AFDN: variants seen among roughly 807,000 people sequenced by gnomAD.
AFDN encodes the protein afadin, adherens junction formation factor, also known as afadin.
A neutral mutation model predicts 216.6 loss-of-function variants in AFDN; 68 were observed. The observed-to-expected ratio is 0.31, with a 90% confidence interval of 0.26 to 0.38. The LOEUF is 0.38. Ranked by LOEUF, AFDN falls within the 10% of genes least tolerant of loss-of-function variation. The pLI is 1.00. For synonymous variants in AFDN, 868 were observed against 853.7 expected (o/e 1.02, Z -0.29); for missense variants, 2,136 against 2,342.0 (o/e 0.91, Z 1.82).
intron 11 of AFDN, among the ~76,000 whole-genome samples, chr6:167,899,771 A>G (rs1432731343): frequency 2.0e-5 from 3 of 152,330 alleles, no homozygotes; most frequent in Middle Eastern, 3.4e-3. Context: ...TGGTCTCTCA[A>G]TAGTACCTGT....
At chr6:167,922,132 G>A (rs1456221891) in intron 21 of AFDN, among the ~76,000 whole-genome samples, 3 of 152,200 alleles carry the variant, frequency 2.0e-5, no homozygotes, top group African/African-American at 7.2e-5. Flanking sequence ...TTCAGGGCCC[G>A]TGTGATAGAT....
chr6:167,945,538 A>G (rs2128642493), intron 26 of AFDN, among the ~76,000 whole-genome samples: 1 of 152,354 alleles, frequency 6.6e-6, no homozygotes, highest in African/African-American at 2.4e-5. Context: ...TATGAACTAT[A>G]CTTGTATACA....
At chr6:167,897,642 C>A (rs572058186) in intron 10 of AFDN, among the ~76,000 whole-genome samples, 2 of 89,752 alleles carry the variant, frequency 2.2e-5, no homozygotes, top group African/African-American at 1.0e-4. Context: ...GACTGTATGC[C>A]TTTTTTTTTT....
chr6:167,912,620 T>C (rs115363064), intron 15 of AFDN, among the ~76,000 whole-genome samples: 2,415 of 152,328 alleles, frequency 0.016, 60 homozygotes, highest in African/African-American at 0.056. Context: ...TGGATTTCCT[T>C]TTCAGTTGTC....
At chr6:167,944,181 G>A in intron 26 of AFDN, 122 bp downstream of exon 26, 2 of 740,548 alleles carry the variant, frequency 2.7e-6, no homozygotes, top group Non-Finnish European at 4.4e-6. Flanking sequence ...AAGAAATTGA[G>A]GATGAGAGCG....
chr6:167,914,462 C>T, intron 17 of AFDN, 149 bp downstream of exon 17: 1 of 990,126 alleles, frequency 1.0e-6, no homozygotes, highest in Non-Finnish European at 1.5e-6. Flanking sequence ...AATGTATTAA[C>T]TACCTATAGT....
chr6:167,902,549 A>G (rs942944244), intron 12 of AFDN, among the ~76,000 whole-genome samples, 163 bp downstream of exon 12: 2 of 152,244 alleles, frequency 1.3e-5, no homozygotes, highest in Non-Finnish European at 2.9e-5. Flanking sequence ...TATGGATACT[A>G]TGTTGTTTTC....
intron 30 of AFDN, among the ~76,000 whole-genome samples, chr6:167,955,399 T>G (rs1796395049): frequency 6.6e-6 from 1 of 152,056 alleles, no homozygotes; most frequent in Non-Finnish European, 1.5e-5. Context: ...TTCTGAGCTT[T>G]GCATTTTTTT....
intron 3 of AFDN, 37 bp from the exon 4 acceptor site, chr6:167,872,177 A>C (rs769693675): frequency 1.3e-6 from 2 of 1,585,730 alleles, no homozygotes; most frequent in Admixed American, 1.9e-5. Context: ...GTGATTCTGC[A>C]TAGTAGTCAA....
At position 167,876,251 on chromosome 6, in the gene AFDN, G is replaced by A. The variant is rs1393722912; in HGVS notation, c.739+756G>A. Among the ~76,000 whole-genome samples the A allele has an allele frequency of 3.9e-5, 6 of 152,112 alleles. No homozygotes were observed. In the South Asian group the frequency reaches 1.0e-3, roughly 26 times the overall value. On this transcript the variant is annotated intron_variant, in intron 5 of 33. Transcript: ENST00000683244. ...ACCCTTAGCACCCTATAACTGAGTCGTAATTAACATATTTCACAGGACTTG... is the reference window on the plus strand; with the variant it reads ...ACCCTTAGCACCCTATAACTGAGTCATAATTAACATATTTCACAGGACTTG...
At chr6:167,965,448 A>C (rs1797446374) in intron 31 of AFDN, among the ~76,000 whole-genome samples, 1 of 152,214 alleles carries the variant, frequency 6.6e-6, no homozygotes, top group Non-Finnish European at 1.5e-5. Context: ...GGAAGGAAAG[A>C]AGGAAAGCAG....
intron 8 of AFDN, among the ~76,000 whole-genome samples, chr6:167,892,816 T>G (rs1562622136): frequency 6.6e-6 from 1 of 152,196 alleles, no homozygotes; most frequent in Non-Finnish European, 1.5e-5. Context: ...CATAGAATTT[T>G]TTTTTGTAGG....
At chr6:167,888,705 A>G (rs563379630) in intron 6 of AFDN, among the ~76,000 whole-genome samples, 1 of 152,370 alleles carries the variant, frequency 6.6e-6, no homozygotes, top group East Asian at 1.9e-4. Flanking sequence ...GCCCTGTAAT[A>G]TATTTAAATG....
chr6:167,943,319 A>T (rs925120895), intron 24 of AFDN, 83 bp from the exon 25 acceptor site: 7 of 1,428,200 alleles, frequency 4.9e-6, no homozygotes, highest in Non-Finnish European at 6.9e-6. Flanking sequence ...CAAATAGAGT[A>T]TCTACTCATC....
At chr6:167,911,793 A>G (rs903499565) in intron 15 of AFDN, 5 of 382,054 alleles carry the variant, frequency 1.3e-5, no homozygotes, top group African/African-American at 8.2e-5. Context: ...ATTTGTTGAG[A>G]TGAAGTTCAT....
Position 167,898,466 on chromosome 6 carries a change from G to A in AFDN, c.1579G>A (p.Gly527Arg). The A allele has an allele frequency of 6.2e-7, 1 of 1,613,152 alleles. No homozygotes were observed. The highest frequency in any genetic ancestry group is 8.5e-7 in the Non-Finnish European group (1 of 1,179,378). ...GGTTAAGGGCCCAAGACATAAACCTGGGTAAATAGATTAACCCTAAGATTT... is the reference window on the plus strand; with the variant it reads ...GGTTAAGGGCCCAAGACATAAACCTAGGTAAATAGATTAACCCTAAGATTT... ...LMVKGPRHKP[G>R]IVQETTFDLG... Residue 527 changes from glycine to arginine, a missense_variant and splice_region_variant, in exon 11 of 34, where the codon GGA becomes AGA. Coordinates refer to ENST00000683244, the MANE Select transcript of AFDN (RefSeq NM_001386888.1).
chr6:167,843,238 A>G (rs1583121335), intron 1 of AFDN, among the ~76,000 whole-genome samples: 2 of 152,158 alleles, frequency 1.3e-5, no homozygotes, highest in Admixed American at 1.3e-4. Flanking sequence ...AATGTCCCCA[A>G]TATTTCATCA....
At chr6:167,946,603 ATCACCTT>A in intron 26 of AFDN, 97 bp from the exon 27 acceptor site, 1 of 976,812 alleles carries the variant, frequency 1.0e-6, no homozygotes, top group East Asian at 2.6e-5. Flanking sequence ...ATTGACCTTT[ATCACCTT>A]ATTTCTTATG....
chr6:167,947,834 T>TC lies in AFDN; in HGVS notation c.3554-13dup, dbSNP rs11365278. 26 of 1,318,070 alleles carry TC rather than the reference T, an allele frequency of 2.0e-5. No individual in the cohort carries two copies. Among genetic ancestry groups the TC allele is most frequent in the Middle Eastern group, 1.9e-4 (1 of 5,398 alleles). The allele number at this position is 1,318,070 out of a possible 1,614,324, so 81.6% of individuals were successfully genotyped here. On this transcript the variant is annotated intron_variant, in intron 27 of 33. Transcript: ENST00000683244. The stretch of plus-strand genomic sequence containing the variant: ...TTATTTAATATTACACTTTTTTTTT[T>TC]CCCCCCTGACTTGAGCAGATCAGCC...
Sources: allele counts gnomAD v4.1 joint callset (sites outside exome capture counted in the v4.1 genomes callset), GRCh38; gene constraint gnomAD v4.1.1; transcripts MANE v1.5; gene names NCBI Gene and HGNC (gene_info 2026-07-23, HGNC 2026-07-21).